Variants in GCC2 observed in about 807,000 individuals in gnomAD.
GCC2 encodes the protein GRIP and coiled-coil domain containing 2.
In GCC2, 120 loss-of-function variants were observed where a neutral mutation model predicts 210.6. That is an observed-to-expected ratio of 0.57 (90% CI 0.49 to 0.66). GCC2 has a LOEUF of 0.66. Ranked by LOEUF, GCC2 falls within the 30% of genes least tolerant of loss-of-function variation. GCC2 has a pLI of 0.00. For synonymous variants in GCC2, 703 were observed against 652.7 expected (o/e 1.08, Z -1.17); for missense variants, 1,868 against 1,871.9 (o/e 1.00, Z 0.04).
chr2:108,470,322 T>C lies in GCC2; in HGVS notation c.993T>C (p.Asn331=). The C allele has an allele frequency of 1.9e-6, 3 of 1,611,620 alleles. No individual in the cohort carries two copies. The highest frequency in any genetic ancestry group is 2.5e-6 in the Non-Finnish European group (3 of 1,178,852). ...QENTFVEQVV[N]EKVKHLEDTL... is the part of the protein sequence containing the mutation. The stretch of plus-strand genomic sequence containing the variant: ...ATACATTTGTAGAACAAGTAGTAAA[T>C]GAAAAAGTCAAACACTTAGAAGATA... Residue 331 remains asparagine, a synonymous_variant, in exon 6 of 23, where the codon AAT becomes AAC. Coordinates refer to ENST00000309863, the MANE Select transcript of GCC2 (RefSeq NM_181453.4).
At chr2:108,465,843 C>T (rs551580236) in intron 4 of GCC2, among the ~76,000 whole-genome samples, 1 of 152,164 alleles carries the variant, frequency 6.6e-6, no homozygotes, top group Non-Finnish European at 1.5e-5. Context: ...CCCACATCCA[C>T]GCAAACATCT....
chr2:108,474,194 A>G (rs1023788872), intron 7 of GCC2, among the ~76,000 whole-genome samples: 3 of 152,152 alleles, frequency 2.0e-5, no homozygotes, highest in Non-Finnish European at 4.4e-5. Flanking sequence ...GATTCAAATT[A>G]CCAAGGGAGT....
At chr2:108,451,997 C>G (rs934080604) in intron 3 of GCC2, among the ~76,000 whole-genome samples, 4 of 152,052 alleles carry the variant, frequency 2.6e-5, no homozygotes, top group Non-Finnish European at 5.9e-5. Context: ...GCACCCACCA[C>G]CATGCCTGGC....
At position 108,475,790 on chromosome 2, in the gene GCC2, A is replaced by G. The variant is rs200632066; in HGVS notation, c.3000A>G (p.Ser1000=). ...TVKEELESLR[S]EKDQLSASMR... is the part of the protein sequence containing the mutation. ...AGGAAGAACTTGAATCTCTTCGATCAGAAAAGGACCAGTTATCTGCTTCCA... is the reference window on the plus strand; with the variant it reads ...AGGAAGAACTTGAATCTCTTCGATCGGAAAAGGACCAGTTATCTGCTTCCA... The change falls in exon 9 of 23, where the codon TCA becomes TCG. Residue 1000 remains serine (S), a synonymous_variant. Transcript: ENST00000309863. 1.9e-6 allele frequency: 3 copies of G among 1,607,200 alleles called. No homozygotes were observed. The highest frequency in any genetic ancestry group is 2.2e-5 in the East Asian group (1 of 44,618).
intron 4 of GCC2, among the ~76,000 whole-genome samples, chr2:108,464,733 T>C (rs1458545522): frequency 6.6e-6 from 1 of 151,480 alleles, no homozygotes; most frequent in African/African-American, 2.4e-5. Context: ...ATGGGAAAAA[T>C]GGAAGGATGG....
rs373090770 is a variant in GCC2, at chr2:108,484,356, A to G, written c.3613+45A>G. 1.2e-4 allele frequency: 138 copies of G among 1,148,274 alleles called. 1 individual carries two copies. The Middle Eastern group carries it at 2.1e-3, about 18-fold the overall frequency. The allele number at this position is 1,148,274 out of a possible 1,614,324, so 71.1% of individuals were successfully genotyped here. A position where few individuals can be genotyped will look rare whatever the true frequency, so the allele number is the denominator to read the frequency against. ...CTTTACTTTTTAATTATTTCATCATAACAACTTGATTTGGTGGGGGGCATT... is the reference window on the plus strand; with the variant it reads ...CTTTACTTTTTAATTATTTCATCATGACAACTTGATTTGGTGGGGGGCATT... On this transcript the variant is annotated intron_variant, in intron 13 of 22. Coordinates refer to ENST00000309863, the MANE Select transcript of GCC2 (RefSeq NM_181453.4).
rs770777260 is a variant in GCC2 at position 108,497,024 on chromosome 2, G to A, written c.4697G>A (p.Ser1566Asn). ...AAAGAAGAATTGGTTCAGAAGCTCA[G>A]TTCCACCACAAAAAGTGCAGATCAC... ...FTKEELVQKL[S>N]STTKSADHLN... Residue 1566 changes from serine (S) to asparagine (N), a missense_variant, in exon 21 of 23, where the codon AGT (serine) becomes AAT (asparagine). Transcript: ENST00000309863. 1 of 1,612,014 alleles carries A rather than the reference G, an allele frequency of 6.2e-7. No individual in the cohort carries two copies. Among genetic ancestry groups the A allele is most frequent in the Middle Eastern group, 2.3e-4 (1 of 4,430 alleles).
At chr2:108,462,586 A>AGGGCT (rs1680658311) in intron 4 of GCC2, 1 of 126,506 alleles carries the variant, frequency 7.9e-6, no homozygotes, top group Non-Finnish European at 1.6e-5. Context: ...TTTTTGAGAC[A>AGGGCT]GAGTCTTGCT....
rs533500477 is a variant in GCC2, at chr2:108,486,526, A to G, written c.3808A>G (p.Ile1270Val). The part of the protein sequence containing the change: ...VEVYKIQLAE[I>V]TSEKHKIHEH... Reference sequence around the variant, plus strand: ...TTACCCCCAGATACAGCTGGCTGAAATAACATCAGAGAAGCACAAAATCCA... The same window carrying G: ...TTACCCCCAGATACAGCTGGCTGAAGTAACATCAGAGAAGCACAAAATCCA... The change falls in exon 16 of 23, where the codon ATA (isoleucine) becomes GTA (valine). Residue 1270 changes from isoleucine to valine, a missense_variant. By Grantham distance (29) the Ile-to-Val change is conservative. Around this residue, in one of 3 missense-constraint regions of GCC2, gnomAD observed 1,847 missense variants for 1,765.2 expected, o/e 1.05. Transcript: ENST00000309863. 247 of 1,614,104 alleles carry G rather than the reference A, an allele frequency of 1.5e-4. 2 individuals carry two copies. Among genetic ancestry groups the G allele is most frequent in the Admixed American group, 2.2e-4 (13 of 60,008 alleles).
Position 108,471,312 on chromosome 2 carries a change from A to T in GCC2, c.1983A>T (p.Gln661His), listed in dbSNP as rs766099385. 6.2e-7 allele frequency: 1 copy of T among 1,612,006 alleles called. No individual in the cohort carries two copies. The highest frequency in any genetic ancestry group is 1.1e-5 in the South Asian group (1 of 90,586). The change falls in exon 6 of 23, where the codon CAA becomes CAT. Residue 661 changes from glutamine (Q) to histidine (H), a missense_variant. Physicochemically the swap from Gln to His is conservative, Grantham distance 24. Coordinates refer to ENST00000309863, the MANE Select transcript of GCC2 (RefSeq NM_181453.4). ...GLEETLKEKD[Q>H]NDQKLEKLMV... The stretch of plus-strand genomic sequence containing the variant: ...AGGAGACTTTAAAAGAAAAGGATCA[A>T]AATGACCAAAAACTAGAAAAACTTA...
rs1416132693 is a variant in GCC2 at position 108,508,774 on chromosome 2, T to C, written c.*1144T>C. ...CTTGCCTTTGACACCTCTGCATATG[T>C]TTTAATGACTAGATCCAAACTGTGT... On this transcript the variant is annotated 3_prime_UTR_variant, in exon 23 of 23. Coordinates refer to ENST00000309863, the MANE Select transcript of GCC2 (RefSeq NM_181453.4). 6.6e-6 allele frequency: 1 copy of C among 152,630 alleles called. No homozygotes were observed. Among genetic ancestry groups the C allele is most frequent in the Non-Finnish European group, 1.5e-5 (1 of 68,044 alleles). The allele number at this position is 152,630 out of a possible 1,614,324, so 9.5% of individuals were successfully genotyped here.
chr2:108,509,028 C>T lies in GCC2; in HGVS notation c.*1398C>T, dbSNP rs913318430. The T allele has an allele frequency of 3.3e-5, 5 of 152,694 alleles. No homozygotes were observed. Among genetic ancestry groups the T allele is most frequent in the African/African-American group, 7.2e-5 (3 of 41,558 alleles). 9.5% of individuals were successfully genotyped at this position (152,694 alleles called of 1,614,324 possible). A position where few individuals can be genotyped will look rare whatever the true frequency, so the allele number is the denominator to read the frequency against. ...GTTCTTTAAAAAATAGCTCATATATCTCATCTTTCCTCCTGTCTTAGAAGA... is the reference window on the plus strand; with the variant it reads ...GTTCTTTAAAAAATAGCTCATATATTTCATCTTTCCTCCTGTCTTAGAAGA... On this transcript the variant is annotated 3_prime_UTR_variant, in exon 23 of 23. Transcript: ENST00000309863.
rs767632667 is a variant in GCC2 at position 108,470,007 on chromosome 2, T to C, written c.678T>C (p.Asn226=). 1 of 1,613,036 alleles carries C rather than the reference T, an allele frequency of 6.2e-7. No individual in the cohort carries two copies. Among genetic ancestry groups the C allele is most frequent in the Non-Finnish European group, 8.5e-7 (1 of 1,179,462 alleles). ...VTQLQNIIEA[N]SQHYQKNINS... ...AACTCCAAAATATCATTGAGGCTAA[T>C]TCTCAGCATTACCAAAAAAATATTA... Residue 226 remains asparagine (N), a synonymous_variant, in exon 6 of 23, where the codon AAT becomes AAC. Transcript: ENST00000309863.
Position 108,471,990 on chromosome 2 carries a change from A to G in GCC2, c.2661A>G (p.Gln887=), listed in dbSNP as rs763395652. 1.9e-6 allele frequency: 3 copies of G among 1,602,912 alleles called. No homozygotes were observed. The South Asian group carries it at 3.4e-5, about 18-fold the overall frequency. Residue 887 remains glutamine, a synonymous_variant, in exon 6 of 23, where the codon CAA becomes CAG. Coordinates refer to ENST00000309863, the MANE Select transcript of GCC2 (RefSeq NM_181453.4). ...NLLIQVEEVS[Q]TCSKSEIHNE... ...TAATTCAAGTTGAAGAAGTATCTCAAACATGTAGCAAAAGTGAAATCCATA... is the reference window on the plus strand; with the variant it reads ...TAATTCAAGTTGAAGAAGTATCTCAGACATGTAGCAAAAGTGAAATCCATA...
intron 19 of GCC2, among the ~76,000 whole-genome samples, chr2:108,493,150 C>T (rs1430439297): frequency 2.0e-5 from 3 of 152,132 alleles, no homozygotes; most frequent in Non-Finnish European, 4.4e-5. Context: ...AGTGCAGTGG[C>T]GCGATCTCGG....
Position 108,472,845 on chromosome 2 carries a change from CCTT to C in GCC2, c.2809_2811del (p.Ser937del). ...AATCTAGGATTCCTTAGCAAAATCA[CCTT>C]CTGTAAAAAATGATCCTCTGTCTTC... On this transcript the variant is annotated inframe_deletion, in exon 7 of 23. Coordinates refer to ENST00000309863, the MANE Select transcript of GCC2 (RefSeq NM_181453.4). 3.1e-6 allele frequency: 5 copies of C among 1,587,828 alleles called. No individual in the cohort carries two copies. In the African/African-American group the frequency reaches 5.4e-5, roughly 17 times the overall value.
chr2:108,472,224 T>A, intron 6 of GCC2, 108 bp downstream of exon 6: 1 of 745,910 alleles, frequency 1.3e-6, no homozygotes, highest in South Asian at 3.1e-5. Context: ...TTTTTACCAT[T>A]TAAGCCCAAG....
intron 4 of GCC2, among the ~76,000 whole-genome samples, chr2:108,455,501 T>G (rs1447352685): frequency 6.6e-6 from 1 of 152,106 alleles, no homozygotes; most frequent in East Asian, 1.9e-4. Context: ...TTCTTTTCCT[T>G]CTTTTTTTTT....
Position 108,472,824 on chromosome 2 carries a change from T to TA in GCC2, c.2788-2dup. On this transcript the variant is annotated splice_region_variant and splice_polypyrimidine_tract_variant and intron_variant, in intron 6 of 22. Transcript: ENST00000309863. ...GTGTTTTTTTTTCCCCTGTAAAATCTAGGATTCCTTAGCAAAATCACCTTC... is the reference window on the plus strand; with the variant it reads ...GTGTTTTTTTTTCCCCTGTAAAATCTAAGGATTCCTTAGCAAAATCACCTTC... 2 of 1,554,526 alleles carry TA rather than the reference T, an allele frequency of 1.3e-6. No homozygotes were observed. The highest frequency in any genetic ancestry group is 2.7e-5 in the African/African-American group (2 of 73,346).
Sources: gnomAD v4.1 joint callset for allele counts (sites outside exome capture counted in the v4.1 genomes callset) on GRCh38, gnomAD v4.1.1 for gene constraint, gnomAD v4.1.1 regional missense constraint, MANE v1.5 for transcripts, NCBI Gene and HGNC (gene_info 2026-07-23, HGNC 2026-07-21) for gene names.